Variants in RELL1 observed in about 807,000 individuals in gnomAD.
RELL1 encodes RELT like 1.
RELL1 carries 10 observed loss-of-function variants against 23.0 expected under a neutral mutation model. The observed-to-expected ratio is 0.43, with a 90% confidence interval of 0.27 to 0.74. The LOEUF is 0.74. Among genes scored for constraint, RELL1 ranks in the 30% least tolerant of loss-of-function variants. The probability of loss-of-function intolerance (pLI) is 0.19; values close to 1 mark genes in which losing one functional copy is unlikely to be tolerated. For missense variants in RELL1, 315 were observed against 364.4 expected, an observed-to-expected ratio of 0.86 and a Z score of 1.10; for synonymous variants, 146 against 146.8, an observed-to-expected ratio of 0.99 and a Z score of 0.04.
intron 1 of RELL1, among the ~76,000 whole-genome samples, chr4:37,668,406 C>T (rs1239670344): frequency 2.0e-5 from 3 of 152,112 alleles, no homozygotes; most frequent in Non-Finnish European, 2.9e-5. Context: ...TGGGTGGAGA[C>T]GGGGTTTCGC....
intron 1 of RELL1, among the ~76,000 whole-genome samples, chr4:37,651,442 T>A (rs1720935853): frequency 6.6e-6 from 1 of 152,210 alleles, no homozygotes; most frequent in Non-Finnish European, 1.5e-5. Context: ...GTTTTCTACA[T>A]CAAGGGAGGT....
At chr4:37,591,258 C>T in intron 6 of RELL1, 1 of 361,752 alleles carries the variant, frequency 2.8e-6, no homozygotes. Context: ...CCCATATCCA[C>T]AGAAAATGCA....
chr4:37,619,716 T>C (rs1192528709), intron 6 of RELL1, among the ~76,000 whole-genome samples: 1 of 152,050 alleles, frequency 6.6e-6, no homozygotes, highest in Non-Finnish European at 1.5e-5. Flanking sequence ...TACAGGTGTA[T>C]GCCACATGCC....
intron 1 of RELL1, among the ~76,000 whole-genome samples, chr4:37,652,013 C>T (rs751807995): frequency 6.6e-6 from 1 of 152,220 alleles, no homozygotes; most frequent in Non-Finnish European, 1.5e-5. Context: ...GAGGCTGGGG[C>T]AGAGCGTCGC....
chr4:37,586,565 T>C (rs1237536717), downstream of RELL1, among the ~76,000 whole-genome samples: 3 of 152,170 alleles, frequency 2.0e-5, no homozygotes, highest in Non-Finnish European at 4.4e-5. Context: ...TTGGGGATGT[T>C]ACTAGTTTTC....
At chr4:37,668,998 A>G (rs975014674) in intron 1 of RELL1, among the ~76,000 whole-genome samples, 1 of 141,934 alleles carries the variant, frequency 7.0e-6, no homozygotes, top group African/African-American at 2.9e-5. Context: ...CCCATCCAGG[A>G]GAGAGGTGGG....
At chr4:37,639,868 G>C (rs1310064411) in intron 3 of RELL1, among the ~76,000 whole-genome samples, 1 of 152,208 alleles carries the variant, frequency 6.6e-6, no homozygotes, top group African/African-American at 2.4e-5. Context: ...ATTAATTCTA[G>C]TTCCAACTGC....
At position 37,665,073 on chromosome 4, in the gene RELL1, T is replaced by C. The variant is rs1181803278; in HGVS notation, c.89-15573A>G. 2.2e-5 allele frequency: 8 copies of C among 364,442 alleles called. No individual in the cohort carries two copies. The Admixed American group carries it at 2.8e-4, about 13-fold the overall frequency. The allele number at this position is 364,442 out of a possible 1,614,324, so 22.6% of individuals were successfully genotyped here. A position where few individuals can be genotyped will look rare whatever the true frequency, so the allele number is the denominator to read the frequency against. ...TGAAACATCTGCTGCAGCAATGTTA[T>C]ATGTGAAAGCAAATTCTCTCATTGC... is the stretch of plus-strand genomic sequence containing the variant. On this transcript the variant is annotated intron_variant, in intron 1 of 6. Transcript: ENST00000454158.
intron 1 of RELL1, among the ~76,000 whole-genome samples, chr4:37,683,767 T>TA (rs904413123): frequency 5.4e-5 from 7 of 128,566 alleles, no homozygotes; most frequent in Non-Finnish European, 8.3e-5. Context: ...CAAAAAACAA[T>TA]AAAAATAAAA....
chr4:37,594,461 G>A (rs918121390), intron 6 of RELL1, among the ~76,000 whole-genome samples: 4 of 152,282 alleles, frequency 2.6e-5, no homozygotes, highest in Admixed American at 2.0e-4. Context: ...ATTGCATCAC[G>A]TGGATATTTA....
intron 4 of RELL1, among the ~76,000 whole-genome samples, chr4:37,635,757 A>T (rs527958225): frequency 1.3e-5 from 2 of 152,356 alleles, no homozygotes; most frequent in South Asian, 4.1e-4. Flanking sequence ...CTCCTTTCTC[A>T]TGCAATTATC....
At chr4:37,614,139 G>T (rs1388709390) in intron 6 of RELL1, among the ~76,000 whole-genome samples, 1 of 152,170 alleles carries the variant, frequency 6.6e-6, no homozygotes, top group Non-Finnish European at 1.5e-5. Context: ...GAAATAGCAT[G>T]AAGTTGCTAG....
intron 6 of RELL1, chr4:37,623,155 T>C (rs1365586097): frequency 3.5e-6 from 1 of 282,254 alleles, no homozygotes; most frequent in South Asian, 3.1e-5. Context: ...GAACTAGCAA[T>C]CACAGCTGCT....
downstream of RELL1, chr4:37,588,471 G>C (rs547106691): frequency 3.6e-5 from 6 of 168,736 alleles, no homozygotes; most frequent in South Asian, 1.0e-3. Flanking sequence ...GCAGTGGGCC[G>C]TGCCCTGGTG....
chr4:37,664,892 A>G (rs1038497916), intron 1 of RELL1, among the ~76,000 whole-genome samples: 12 of 152,092 alleles, frequency 7.9e-5, no homozygotes, highest in Non-Finnish European at 1.2e-4. Context: ...CACCACTCAG[A>G]CATACCACGG....
At chr4:37,641,678 T>C (rs17495240) in intron 3 of RELL1, among the ~76,000 whole-genome samples, 5,573 of 152,274 alleles carry the variant, frequency 0.037, 103 homozygotes, top group Non-Finnish European at 0.054. Context: ...TTTTTCTCCC[T>C]GAATCCCTGC....
At chr4:37,590,992 A>C in exon 7 of RELL1, 12 of 1,608,312 alleles carry the variant, frequency 7.5e-6, no homozygotes, top group Non-Finnish European at 1.0e-5. Context: ...TTTGGATGAG[A>C]CTGATTAGGG....
At position 37,621,412 on chromosome 4, in the gene RELL1, C is replaced by T. The variant is rs562559520; in HGVS notation, c.*4-8070G>A. Among the ~76,000 whole-genome samples, 18 of 151,770 alleles carry T rather than the reference C, an allele frequency of 1.2e-4. No individual in the cohort carries two copies. The East Asian group carries it at 1.9e-3, about 16-fold the overall frequency. On this transcript the variant is annotated intron_variant, in intron 6 of 6. Coordinates refer to ENST00000454158, the MANE Select transcript of RELL1 (RefSeq NM_001085400.2). ...CAGAGCTTGCAGTGAGCCAAGATCG[C>T]GCCACTGCACTCCAGCCTGGGGGAC...
chr4:37,642,428 G>A (rs1014056784), intron 3 of RELL1, among the ~76,000 whole-genome samples: 16 of 152,190 alleles, frequency 1.1e-4, no homozygotes, highest in Admixed American at 4.6e-4. Flanking sequence ...ACCCAGACAC[G>A]ATTCAGTTCG....
Sources: allele counts gnomAD v4.1 joint callset (sites outside exome capture counted in the v4.1 genomes callset), GRCh38; gene constraint gnomAD v4.1.1; transcripts MANE v1.5; gene names NCBI Gene and HGNC (gene_info 2026-07-23, HGNC 2026-07-21).